Variants in SOS2 observed in about 807,000 individuals in gnomAD.
The protein encoded by SOS2 is son of sevenless homolog 2.
In SOS2, 65 loss-of-function variants were observed where a neutral mutation model predicts 148.2. The ratio of observed to expected loss-of-function variants is 0.44; its 90% CI spans 0.36 to 0.54. The LOEUF (loss-of-function observed/expected upper bound fraction) is 0.54, where lower values mean the gene tolerates loss of function less well. Among genes scored for constraint, SOS2 ranks in the 20% least tolerant of loss-of-function variants. SOS2 has a pLI of 0.00. For missense variants in SOS2, 1,341 were observed against 1,590.2 expected (o/e 0.84, Z 2.67); for synonymous variants, 539 against 537.1 (o/e 1.00, Z -0.05).
chr14:50,130,064 T>C, intron 20 of SOS2, 62 bp from the exon 21 acceptor site: 1 of 1,048,184 alleles, frequency 9.5e-7, no homozygotes, highest in Non-Finnish European at 1.5e-6. Context: ...ATTTTTTAAA[T>C]GTTTCCATAA....
intron 8 of SOS2, among the ~76,000 whole-genome samples, chr14:50,173,410 G>A (rs113799604): frequency 2.0e-5 from 3 of 151,926 alleles, no homozygotes; most frequent in Non-Finnish European, 2.9e-5. Context: ...TTTGATGCTG[G>A]AGGTAGCCAG....
chr14:50,157,772 T>C (rs898592026), intron 11 of SOS2, among the ~76,000 whole-genome samples: 10 of 152,154 alleles, frequency 6.6e-5, no homozygotes, highest in Admixed American at 3.3e-4. Context: ...GGTATAATAA[T>C]AAGTTTTAGT....
At chr14:50,163,193 T>C (rs1161727898) in intron 8 of SOS2, among the ~76,000 whole-genome samples, 1 of 150,558 alleles carries the variant, frequency 6.6e-6, no homozygotes, top group Non-Finnish European at 1.5e-5. Flanking sequence ...ATATATATTA[T>C]GTATTTATAA....
chr14:50,174,482 T>C lies in SOS2; in HGVS notation c.1040A>G (p.His347Arg). ...TAGTAACTCAAAGTAGTGCCAACAG[T>C]GATACACTGGCACCAGCATAAGACG... ...LPRLMLVPVY[H>R]CWHYFELLKQ... Residue 347 changes from histidine to arginine, a missense_variant, in exon 8 of 23, where the codon CAC becomes CGC. His to Arg is a conservative substitution (Grantham distance 29, BLOSUM62 0). This residue lies in a region of SOS2 where 574 missense variants were observed against 711.1 expected (regional missense o/e 0.81). Transcript: ENST00000216373. 6.2e-7 allele frequency: 1 copy of C among 1,608,246 alleles called. No homozygotes were observed. Among genetic ancestry groups the C allele is most frequent in the Non-Finnish European group, 8.5e-7 (1 of 1,175,684 alleles).
In SOS2 at chr14:50,178,668, GTGCATATATATATATATA is replaced by G. The variant is rs1238229990; in HGVS notation, c.969+1886_969+1903del. On this transcript the variant is annotated intron_variant, in intron 7 of 22. Coordinates refer to ENST00000216373, the MANE Select transcript of SOS2 (RefSeq NM_006939.4). ...CGCTAGTGTGTGTGTGTGTGTGTGT[GTGCATATATATATATATA>G]TATATATATATATATATATATATAT... Among the ~76,000 whole-genome samples the G allele has an allele frequency of 5.5e-3, 378 of 68,390 alleles. 12 individuals are homozygous for G. The highest frequency in any genetic ancestry group is 7.0e-3 in the African/African-American group (116 of 16,646). The allele number at this position is 68,390 out of a possible 152,430, so 44.9% of individuals were successfully genotyped here.
At chr14:50,164,721 T>C (rs1411108266) in intron 8 of SOS2, among the ~76,000 whole-genome samples, 4 of 152,174 alleles carry the variant, frequency 2.6e-5, no homozygotes, top group African/African-American at 9.6e-5. Flanking sequence ...CCATTCGCTT[T>C]CTACACAACA....
chr14:50,167,131 A>T (rs1047104000), intron 8 of SOS2, among the ~76,000 whole-genome samples: 2 of 151,406 alleles, frequency 1.3e-5, no homozygotes, highest in Non-Finnish European at 2.9e-5. Flanking sequence ...CACTAACTTT[A>T]AAAAAAAACA....
chr14:50,185,290 G>C (rs1315268246), intron 5 of SOS2, among the ~76,000 whole-genome samples: 1 of 152,096 alleles, frequency 6.6e-6, no homozygotes, highest in African/African-American at 2.4e-5. Context: ...TGTCAAAATT[G>C]AGCTAAATTA....
chr14:50,226,308 G>A (rs972883523), intron 1 of SOS2, among the ~76,000 whole-genome samples: 4 of 152,170 alleles, frequency 2.6e-5, no homozygotes, highest in African/African-American at 9.7e-5. Context: ...CACAAATGTT[G>A]CTTGCTTAAA....
At chr14:50,187,169 C>T (rs1055079544) in intron 5 of SOS2, among the ~76,000 whole-genome samples, 1 of 151,992 alleles carries the variant, frequency 6.6e-6, no homozygotes, top group African/African-American at 2.4e-5. Flanking sequence ...TGCCATCATG[C>T]CCAGCTAAAT....
At chr14:50,198,382 G>T (rs1180481544) in intron 4 of SOS2, among the ~76,000 whole-genome samples, 1 of 151,110 alleles carries the variant, frequency 6.6e-6, no homozygotes, top group Admixed American at 6.6e-5. Flanking sequence ...CCATAATTTT[G>T]TAAGTCAAAA....
At chr14:50,177,665 CT>C (rs1885567844) in intron 7 of SOS2, among the ~76,000 whole-genome samples, 2 of 151,958 alleles carry the variant, frequency 1.3e-5, no homozygotes, top group African/African-American at 2.4e-5. Context: ...TATGAGTTAA[CT>C]TTAAAAATAT....
chr14:50,222,706 C>T (rs1409292818), intron 1 of SOS2, among the ~76,000 whole-genome samples: 1 of 152,166 alleles, frequency 6.6e-6, no homozygotes, highest in African/African-American at 2.4e-5. Context: ...CAGTATGGGG[C>T]AGAAGCAGAA....
chr14:50,151,147 C>T (rs1049132439), intron 13 of SOS2, among the ~76,000 whole-genome samples: 1 of 152,226 alleles, frequency 6.6e-6, no homozygotes, highest in African/African-American at 2.4e-5. Context: ...GCATGAGCCA[C>T]TGTGCCTGGC....
At chr14:50,173,199 C>T (rs1885422214) in intron 8 of SOS2, among the ~76,000 whole-genome samples, 1 of 152,006 alleles carries the variant, frequency 6.6e-6, no homozygotes, top group Non-Finnish European at 1.5e-5. Flanking sequence ...TCGTACCTCT[C>T]CTTTAGGATA....
At chr14:50,172,415 A>ACTGCTTTTTTT (rs1885392060) in intron 8 of SOS2, among the ~76,000 whole-genome samples, 8 of 21,524 alleles carry the variant, frequency 3.7e-4, no homozygotes, top group Non-Finnish European at 6.3e-4. Context: ...CTCTTTATTC[A>ACTGCTTTTTTT]TTCCTTTTTT....
chr14:50,133,157 G>A (rs1405120479), intron 19 of SOS2, among the ~76,000 whole-genome samples: 2 of 147,812 alleles, frequency 1.4e-5, no homozygotes, highest in Admixed American at 6.8e-5. Flanking sequence ...GGGAAATAAA[G>A]TTTATGTTTT....
intron 5 of SOS2, among the ~76,000 whole-genome samples, chr14:50,185,419 C>G (rs556490068): frequency 6.6e-6 from 1 of 152,060 alleles, no homozygotes; most frequent in South Asian, 2.1e-4. Flanking sequence ...GGGTCAGGCG[C>G]GGTGGCTCAT....
At position 50,197,396 on chromosome 14, in the gene SOS2, C is replaced by T. The variant is rs8004118; in HGVS notation, c.510+2295G>A. On this transcript the variant is annotated intron_variant, in intron 4 of 22. Transcript: ENST00000216373. ...CACCACTAATGAGACACAATGAAATCATGTGCCTGTGTGCCATCTGAGAAA... is the reference window on the plus strand; with the variant it reads ...CACCACTAATGAGACACAATGAAATTATGTGCCTGTGTGCCATCTGAGAAA... 4.6e-3 allele frequency among the ~76,000 whole-genome samples: 694 copies of T among 152,280 alleles called. 4 individuals carry two copies. Among genetic ancestry groups the T allele is most frequent in the African/African-American group, 0.015 (643 of 41,550 alleles).
Sources: gnomAD v4.1 joint callset for allele counts (sites outside exome capture counted in the v4.1 genomes callset) on GRCh38, gnomAD v4.1.1 for gene constraint, gnomAD v4.1.1 regional missense constraint, MANE v1.5 for transcripts, NCBI Gene and HGNC (gene_info 2026-07-23, HGNC 2026-07-21) for gene names.